STEAP1B: variants seen among roughly 807,000 people sequenced by gnomAD.
STEAP1B encodes STEAP family protein MGC87042.
STEAP1B carries 13 observed loss-of-function variants against 27.9 expected under a neutral mutation model. The ratio of observed to expected loss-of-function variants is 0.47; its 90% CI spans 0.30 to 0.74. The LOEUF (loss-of-function observed/expected upper bound fraction) is 0.74. STEAP1B is among the 30% of genes least tolerant of loss of function. The probability of loss-of-function intolerance (pLI) is 0.06; values close to 1 mark genes in which losing one functional copy is unlikely to be tolerated. For missense variants in STEAP1B, 250 were observed against 298.7 expected (o/e 0.84, Z 1.20); for synonymous variants, 86 against 107.1 (o/e 0.80, Z 1.22).
intron 4 of STEAP1B, among the ~76,000 whole-genome samples, chr7:22,451,901 TTA>T (rs1785497654): frequency 6.6e-6 from 1 of 152,224 alleles, no homozygotes; most frequent in Non-Finnish European, 1.5e-5. Flanking sequence ...TACTGGCCTC[TTA>T]GAACGAGTTT....
intron 4 of STEAP1B, among the ~76,000 whole-genome samples, chr7:22,461,066 A>G (rs541142613): frequency 4.6e-5 from 7 of 152,282 alleles, no homozygotes; most frequent in Non-Finnish European, 4.4e-5. Flanking sequence ...CAGCTCCACA[A>G]TACGGAACAG....
intron 4 of STEAP1B, among the ~76,000 whole-genome samples, chr7:22,472,516 G>C (rs1161379695): frequency 2.6e-5 from 4 of 152,224 alleles, no homozygotes; most frequent in Non-Finnish European, 5.9e-5. Flanking sequence ...CAGAGATTGA[G>C]AGTTAAGTCT....
chr7:22,482,285 A>G (rs190865517), intron 4 of STEAP1B, among the ~76,000 whole-genome samples: 1 of 152,342 alleles, frequency 6.6e-6, no homozygotes, highest in Admixed American at 6.5e-5. Context: ...GAGAAGGGGC[A>G]CACATAGATT....
In STEAP1B at chr7:22,419,848, A is replaced by T. The variant is rs1450497505; in HGVS notation, c.763-12T>A. 8 of 1,549,742 alleles carry T rather than the reference A, an allele frequency of 5.2e-6. No individual in the cohort carries two copies. The South Asian group carries it at 9.6e-5, about 19-fold the overall frequency. ...ATCCTACCATGTACCTGGAAGGCAG[A>T]CAGCAAGAAAGAGTTGATGTATAGA... On this transcript the variant is annotated splice_polypyrimidine_tract_variant and intron_variant, in intron 4 of 4. Transcript: ENST00000678116.
intron 4 of STEAP1B, among the ~76,000 whole-genome samples, chr7:22,439,761 TC>T (rs1043867502): frequency 7.9e-5 from 12 of 152,192 alleles, no homozygotes; most frequent in African/African-American, 2.9e-4. Flanking sequence ...ACTATCATCA[TC>T]AAAAATTACA....
chr7:22,464,331 T>C (rs1274918744), intron 4 of STEAP1B, among the ~76,000 whole-genome samples: 2 of 152,266 alleles, frequency 1.3e-5, no homozygotes, highest in African/African-American at 4.8e-5. Flanking sequence ...CTCTGTCCCC[T>C]GACTGCTGTC....
intron 4 of STEAP1B, among the ~76,000 whole-genome samples, chr7:22,472,133 G>C (rs543298400): frequency 6.6e-6 from 1 of 152,172 alleles, no homozygotes; most frequent in Non-Finnish European, 1.5e-5. Flanking sequence ...GGATTGTTGG[G>C]ACTTCTGGAA....
At chr7:22,486,588 G>A (rs1301412178) in intron 4 of STEAP1B, among the ~76,000 whole-genome samples, 1 of 151,982 alleles carries the variant, frequency 6.6e-6, no homozygotes, top group East Asian at 1.9e-4. Flanking sequence ...CCCTCCTGAA[G>A]TGATACTTGT....
At chr7:22,435,635 C>T (rs1474391668) in intron 4 of STEAP1B, among the ~76,000 whole-genome samples, 2 of 152,152 alleles carry the variant, frequency 1.3e-5, no homozygotes, top group Non-Finnish European at 2.9e-5. Flanking sequence ...AATGCATACA[C>T]ATAAAATCGT....
intron 4 of STEAP1B, among the ~76,000 whole-genome samples, chr7:22,456,393 T>C (rs1326272298): frequency 1.3e-5 from 2 of 152,196 alleles, no homozygotes; most frequent in African/African-American, 4.8e-5. Context: ...GTCATGGTGC[T>C]TTATAATTAT....
intron 4 of STEAP1B, among the ~76,000 whole-genome samples, chr7:22,459,657 C>T (rs1785644968): frequency 6.6e-6 from 1 of 152,224 alleles, no homozygotes; most frequent in Admixed American, 6.5e-5. Context: ...GTGAGCCAGT[C>T]TGTATCTCAC....
At chr7:22,483,811 G>A (rs1029255362) in intron 4 of STEAP1B, among the ~76,000 whole-genome samples, 3 of 152,148 alleles carry the variant, frequency 2.0e-5, no homozygotes, top group Non-Finnish European at 1.5e-5. Context: ...ATGGCTGGTC[G>A]GTGGAGCAGT....
In STEAP1B at chr7:22,492,665, G is replaced by A; in HGVS notation, c.662C>T (p.Ser221Phe). Residue 221 changes from serine to phenylalanine, a missense_variant, in exon 4 of 5, where the codon TCT becomes TTT. By Grantham distance (155) the Ser-to-Phe change is radical (BLOSUM62 -2). Coordinates refer to ENST00000678116, the MANE Select transcript of STEAP1B (RefSeq NM_001382447.1). ...TATTGCCAGTCCCACAATTCCCAGA[G>A]ACACATAAATCTCCATTCTCCAAAC... ...HDVWRMEIYV[S>F]LGIVGLAILA... 1 of 1,613,580 alleles carries A rather than the reference G, an allele frequency of 6.2e-7. No individual in the cohort carries two copies. Among genetic ancestry groups the A allele is most frequent in the African/African-American group, 1.3e-5 (1 of 74,994 alleles).
At chr7:22,481,551 A>G (rs998208106) in intron 4 of STEAP1B, among the ~76,000 whole-genome samples, 10 of 152,212 alleles carry the variant, frequency 6.6e-5, no homozygotes, top group African/African-American at 2.2e-4. Context: ...CCGTAGTCCA[A>G]CAGAGTCAGA....
chr7:22,492,210 T>C (rs1786335241), intron 4 of STEAP1B, among the ~76,000 whole-genome samples: 1 of 148,912 alleles, frequency 6.7e-6, no homozygotes, highest in Admixed American at 6.8e-5. Context: ...TCCCAGCTAC[T>C]CAGGAGGCTG....
chr7:22,429,423 A>C (rs11971379), intron 4 of STEAP1B, among the ~76,000 whole-genome samples: 14,627 of 152,196 alleles, frequency 0.096, 1,292 homozygotes, highest in African/African-American at 0.23. Flanking sequence ...ATACATACAG[A>C]ATGATACAAT....
intron 4 of STEAP1B, among the ~76,000 whole-genome samples, chr7:22,475,171 T>G (rs1301449614): frequency 2.6e-5 from 4 of 152,166 alleles, no homozygotes; most frequent in Admixed American, 1.3e-4. Flanking sequence ...CCCTAAGAAG[T>G]AGGTTCCTAT....
intron 4 of STEAP1B, among the ~76,000 whole-genome samples, chr7:22,441,945 T>C (rs1785340449): frequency 6.6e-6 from 1 of 152,234 alleles, no homozygotes; most frequent in Non-Finnish European, 1.5e-5. Flanking sequence ...CTTTAAAAGC[T>C]TGACTTTTCT....
intron 4 of STEAP1B, chr7:22,438,273 A>T: frequency 1.9e-6 from 1 of 536,392 alleles, no homozygotes. Flanking sequence ...GCTTCTCCTG[A>T]AATACTTCCA....
Sources: allele counts gnomAD v4.1 joint callset (sites outside exome capture counted in the v4.1 genomes callset), GRCh38; gene constraint gnomAD v4.1.1; transcripts MANE v1.5; gene names NCBI Gene and HGNC (gene_info 2026-07-23, HGNC 2026-07-21).